LOC128462377: variants seen among roughly 807,000 people sequenced by gnomAD.
chr16:89,363,351 G>C, the LOC128462377 span, among the ~76,000 whole-genome samples: 1 of 152,080 alleles, frequency 6.6e-6, no homozygotes, highest in Non-Finnish European at 1.5e-5. Context: ...GATTCAGTCT[G>C]CATTAGGAGA....
At chr16:89,404,441 C>T in the LOC128462377 span, among the ~76,000 whole-genome samples, 42 of 152,320 alleles carry the variant, frequency 2.8e-4, no homozygotes, top group Admixed American at 7.8e-4. Context: ...GAAAAATTTT[C>T]CTCTGCTTTT....
At chr16:89,413,010 T>C in the LOC128462377 span, among the ~76,000 whole-genome samples, 2 of 151,976 alleles carry the variant, frequency 1.3e-5, no homozygotes, top group Non-Finnish European at 2.9e-5. Flanking sequence ...GGAGCTCCAA[T>C]GTTCCAAACC....
At chr16:89,415,144 C>G in the LOC128462377 span, among the ~76,000 whole-genome samples, 1 of 151,254 alleles carries the variant, frequency 6.6e-6, no homozygotes, top group East Asian at 2.0e-4. Flanking sequence ...TGTAGAGATG[C>G]GGTCTCGTCA....
the LOC128462377 span, among the ~76,000 whole-genome samples, chr16:89,369,043 T>C: frequency 2.6e-5 from 4 of 152,096 alleles, no homozygotes; most frequent in African/African-American, 9.7e-5. Flanking sequence ...GACCCCCCAC[T>C]GGCACCCATT....
At chr16:89,414,870 C>T in the LOC128462377 span, among the ~76,000 whole-genome samples, 1 of 152,218 alleles carries the variant, frequency 6.6e-6, no homozygotes, top group Non-Finnish European at 1.5e-5. Context: ...GCTCACATTC[C>T]ACCCCAAGGA....
chr16:89,414,342 C>G, the LOC128462377 span, among the ~76,000 whole-genome samples: 1 of 152,080 alleles, frequency 6.6e-6, no homozygotes, highest in Non-Finnish European at 1.5e-5. Context: ...ATGGAACACC[C>G]ACATGTTGCA....
chr16:89,339,530 C>T, the LOC128462377 span, among the ~76,000 whole-genome samples: 8 of 152,128 alleles, frequency 5.3e-5, no homozygotes, highest in Admixed American at 3.9e-4. Context: ...CAAACCATTT[C>T]GGAAATTTAG....
the LOC128462377 span, among the ~76,000 whole-genome samples, chr16:89,357,287 G>A: frequency 1.3e-5 from 2 of 152,142 alleles, no homozygotes; most frequent in Non-Finnish European, 2.9e-5. Flanking sequence ...CACCATGAAG[G>A]AAGGGCAGTC....
chr16:89,402,239 A>G, the LOC128462377 span, among the ~76,000 whole-genome samples: 1 of 152,166 alleles, frequency 6.6e-6, no homozygotes, highest in African/African-American at 2.4e-5. Flanking sequence ...GGAACCAATT[A>G]TATCTGGGTG....
the LOC128462377 span, among the ~76,000 whole-genome samples, chr16:89,405,704 G>A: frequency 1.1e-4 from 17 of 151,994 alleles, no homozygotes; most frequent in African/African-American, 4.1e-4. Context: ...GACAATTCAG[G>A]AAATGCACCA....
chr16:89,329,423 A>C, the LOC128462377 span, among the ~76,000 whole-genome samples: 2 of 152,192 alleles, frequency 1.3e-5, no homozygotes, highest in South Asian at 4.1e-4. Flanking sequence ...AAAAAACACA[A>C]GGGGTGTAAG....
the LOC128462377 span, chr16:89,323,214 T>A: frequency 1.1e-6 from 1 of 935,986 alleles, no homozygotes; most frequent in Non-Finnish European, 1.5e-6. Context: ...TCCAACGGAC[T>A]GAGCGGAGGA....
chr16:89,375,948 G>A, the LOC128462377 span, among the ~76,000 whole-genome samples: 7 of 152,238 alleles, frequency 4.6e-5, no homozygotes, highest in East Asian at 3.9e-4. Flanking sequence ...CTAAACTTGC[G>A]TGACACGCCG....
chr16:89,394,960 G>C, the LOC128462377 span, among the ~76,000 whole-genome samples: 1 of 152,318 alleles, frequency 6.6e-6, no homozygotes, highest in East Asian at 1.9e-4. Context: ...GAGCTGATGA[G>C]AGAACCCCCT....
At chr16:89,375,697 C>T in the LOC128462377 span, among the ~76,000 whole-genome samples, 5 of 151,456 alleles carry the variant, frequency 3.3e-5, no homozygotes, top group East Asian at 1.9e-4. Flanking sequence ...TCAAGTGATC[C>T]GCCCAGCCTC....
At chr16:89,357,165 C>G in the LOC128462377 span, among the ~76,000 whole-genome samples, 1 of 152,164 alleles carries the variant, frequency 6.6e-6, no homozygotes, top group East Asian at 1.9e-4. Context: ...GAGGTAGGCT[C>G]GGCCAGAGCT....
chr16:89,322,170 T>C, the LOC128462377 span, among the ~76,000 whole-genome samples: 2 of 152,190 alleles, frequency 1.3e-5, no homozygotes, highest in Admixed American at 6.6e-5. Flanking sequence ...CCCCAACCCC[T>C]GTATTGTTCA....
At chr16:89,334,687 C>G in the LOC128462377 span, among the ~76,000 whole-genome samples, 1 of 152,138 alleles carries the variant, frequency 6.6e-6, no homozygotes. Flanking sequence ...GGAGCAACAT[C>G]CCAGGCACAC....
chr16:89,417,464 C>A, the LOC128462377 span, among the ~76,000 whole-genome samples: 2 of 152,164 alleles, frequency 1.3e-5, no homozygotes, highest in African/African-American at 4.8e-5. Flanking sequence ...TGCCCTACAG[C>A]GACACGTGCT....
Sources: allele counts gnomAD v4.1 joint callset (sites outside exome capture counted in the v4.1 genomes callset), GRCh38; gene constraint gnomAD v4.1.1; transcripts MANE v1.5.